The following PCDHA1 variants were observed in gnomAD, a reference collection of about 807,000 sequenced individuals.
PCDHA1 encodes protocadherin alpha-1.
Under a neutral mutation model 61.3 loss-of-function variants are expected in PCDHA1, and 42 were observed. The ratio of observed to expected loss-of-function variants is 0.69; its 90% CI spans 0.54 to 0.89. The LOEUF is 0.89. Among genes scored for constraint, PCDHA1 ranks in the 40% least tolerant of loss-of-function variants. The pLI is 0.00. For missense variants in PCDHA1, 1,256 were observed against 1,235.3 expected (o/e 1.02, Z -0.25); for synonymous variants, 610 against 553.8 (o/e 1.10, Z -1.43).
chr5:140,973,203 A>T (rs1554234958), intron 1 of PCDHA1, among the ~76,000 whole-genome samples: 1 of 152,196 alleles, frequency 6.6e-6, no homozygotes, highest in Non-Finnish European at 1.5e-5. Flanking sequence ...ATGTGTGCAT[A>T]TTCACCCTAA....
intron 1 of PCDHA1, among the ~76,000 whole-genome samples, chr5:140,957,275 C>T (rs1203444899): frequency 6.6e-6 from 1 of 152,158 alleles, no homozygotes; most frequent in African/African-American, 2.4e-5. Flanking sequence ...CTAGTCCCCC[C>T]TTACCTGCAG....
chr5:140,829,728 G>A (rs1388921761), intron 1 of PCDHA1: 2 of 1,613,492 alleles, frequency 1.2e-6, no homozygotes, highest in Non-Finnish European at 1.7e-6. Flanking sequence ...CCGCCTCTGG[G>A]CAGCAACGTG....
At position 140,836,427 on chromosome 5, in the gene PCDHA1, G is replaced by T. The variant is rs2150260736; in HGVS notation, c.2394+47743G>T. ...CCAGGCACCAAAGGCGTCGTCGCGG[G>T]CATCGTTGGGCATTGCAGGCCCAGA... On this transcript the variant is annotated intron_variant, in intron 1 of 3. Coordinates refer to ENST00000504120, the MANE Select transcript of PCDHA1 (RefSeq NM_018900.4). 2.5e-6 allele frequency: 4 copies of T among 1,613,858 alleles called. No individual in the cohort carries two copies. In the South Asian group the frequency reaches 3.3e-5, roughly 13 times the overall value.
At chr5:140,865,982 C>T (rs2049081742) in intron 1 of PCDHA1, 1 of 152,078 alleles carries the variant, frequency 6.6e-6, no homozygotes, top group South Asian at 2.1e-4. Flanking sequence ...ATTGAGATGG[C>T]ACTAAGTTTT....
chr5:140,858,397 C>A, intron 1 of PCDHA1: 1 of 1,573,182 alleles, frequency 6.4e-7, no homozygotes, highest in Non-Finnish European at 8.7e-7. Flanking sequence ...TAGATGTGGA[C>A]GGGGAAGATC....
At chr5:140,857,839 C>A in intron 1 of PCDHA1, 1 of 1,597,776 alleles carries the variant, frequency 6.3e-7, no homozygotes, top group South Asian at 1.1e-5. Flanking sequence ...GCGCAGTGGA[C>A]GCTGACTCTG....
At chr5:140,969,473 A>C (rs562575347) in intron 1 of PCDHA1, 2 of 1,478,208 alleles carry the variant, frequency 1.4e-6, no homozygotes, top group South Asian at 2.8e-5. Context: ...CCACAATTTG[A>C]TCATAATCTG....
At chr5:140,931,875 T>C (rs1457456146) in intron 1 of PCDHA1, among the ~76,000 whole-genome samples, 3 of 151,982 alleles carry the variant, frequency 2.0e-5, no homozygotes, top group African/African-American at 7.2e-5. Flanking sequence ...AAAATATTTA[T>C]TGCTTTCATT....
intron 1 of PCDHA1, among the ~76,000 whole-genome samples, chr5:140,903,657 A>G (rs913315008): frequency 6.6e-6 from 1 of 152,230 alleles, no homozygotes; most frequent in Non-Finnish European, 1.5e-5. Flanking sequence ...TATATTATAA[A>G]TTTAACTGAT....
intron 1 of PCDHA1, chr5:140,877,006 G>A: frequency 6.2e-7 from 1 of 1,612,484 alleles, no homozygotes; most frequent in Non-Finnish European, 8.5e-7. Flanking sequence ...GTCGGTGCAC[G>A]CGGAGAGCGG....
chr5:140,923,133 G>T (rs1177084353), intron 1 of PCDHA1, among the ~76,000 whole-genome samples: 3 of 152,082 alleles, frequency 2.0e-5, no homozygotes, highest in African/African-American at 7.2e-5. Context: ...ACACTTTGAA[G>T]GTGGAATATA....
intron 1 of PCDHA1, among the ~76,000 whole-genome samples, chr5:140,799,093 T>C (rs1562171620): frequency 6.6e-6 from 1 of 152,204 alleles, no homozygotes; most frequent in Admixed American, 6.5e-5. Flanking sequence ...TGTTGCTCTA[T>C]AAGTTTTTTC....
At chr5:140,981,683 T>A (rs1484532280) in intron 2 of PCDHA1, among the ~76,000 whole-genome samples, 5 of 152,034 alleles carry the variant, frequency 3.3e-5, no homozygotes, top group Non-Finnish European at 5.9e-5. Flanking sequence ...CCTTCCTCCC[T>A]TCCATCATTC....
intron 1 of PCDHA1, among the ~76,000 whole-genome samples, chr5:140,908,630 CA>C (rs2074062492): frequency 6.6e-6 from 1 of 152,126 alleles, no homozygotes; most frequent in East Asian, 1.9e-4. Flanking sequence ...TTGAGGTCTC[CA>C]CTGTGATTCA....
Position 140,787,714 on chromosome 5 carries a change from T to C in PCDHA1, c.1424T>C (p.Phe475Ser). ...AACAACCCGCCGGGCTGCCACATCT[T>C]CACGGTGTCTGCGCGGGACGCGGAC... ...KENNPPGCHI[F>S]TVSARDADAQ... is the part of the protein sequence containing the mutation. Residue 475 changes from phenylalanine to serine, a missense_variant, in exon 1 of 4, where the codon TTC becomes TCC. Coordinates refer to ENST00000504120, the MANE Select transcript of PCDHA1 (RefSeq NM_018900.4). 1.2e-6 allele frequency: 2 copies of C among 1,613,836 alleles called. No individual in the cohort carries two copies. Among genetic ancestry groups the C allele is most frequent in the Non-Finnish European group, 1.7e-6 (2 of 1,179,908 alleles).
In PCDHA1 at chr5:140,848,792, C is replaced by T; in HGVS notation, c.2394+60108C>T. 3.8e-6 allele frequency: 6 copies of T among 1,592,840 alleles called. 1 individual carries two copies. Among genetic ancestry groups the T allele is most frequent in the Non-Finnish European group, 5.2e-6 (6 of 1,163,812 alleles). On this transcript the variant is annotated intron_variant, in intron 1 of 3. Coordinates refer to ENST00000504120, the MANE Select transcript of PCDHA1 (RefSeq NM_018900.4). ...ACCGCGAGGAGCTGTGCGGGCGGAG[C>T]GCGGAGTGCAGCATCCACCTGGAGG... is the stretch of plus-strand genomic sequence containing the variant.
intron 1 of PCDHA1, chr5:140,835,640 C>G: frequency 5.6e-6 from 9 of 1,613,888 alleles, no homozygotes; most frequent in South Asian, 1.1e-5. Context: ...AGAGTGTGTC[C>G]GCCTATGAGC....
At position 140,857,203 on chromosome 5, in the gene PCDHA1, C is replaced by T. The variant is rs781954201; in HGVS notation, c.2394+68519C>T. 1.0e-5 allele frequency: 16 copies of T among 1,598,514 alleles called. 1 individual carries two copies. In the Admixed American group the frequency reaches 2.4e-4, roughly 24 times the overall value. On this transcript the variant is annotated intron_variant, in intron 1 of 3. Transcript: ENST00000504120. ...ATTCAGGAGCCAACGGACAGGTCAC[C>T]TGCTCTCTGACGCCTCACGTTCCGT...
intron 1 of PCDHA1, among the ~76,000 whole-genome samples, chr5:140,960,541 C>G (rs1200507322): frequency 6.6e-6 from 1 of 151,924 alleles, no homozygotes; most frequent in African/African-American, 2.4e-5. Context: ...GAAACTGTGG[C>G]CTTCATATAG....
Sources: allele counts gnomAD v4.1 joint callset (sites outside exome capture counted in the v4.1 genomes callset), GRCh38; gene constraint gnomAD v4.1.1; transcripts MANE v1.5; gene names NCBI Gene and HGNC (gene_info 2026-07-23, HGNC 2026-07-21).